FBXO10: variants seen among roughly 807,000 people sequenced by gnomAD.
FBXO10 encodes the protein F-box only protein 10.
In FBXO10, 39 loss-of-function variants were observed where a neutral mutation model predicts 80.7. The observed-to-expected ratio is 0.48, with a 90% CI of 0.37 to 0.63. FBXO10 has a LOEUF of 0.63. Ranked by LOEUF, FBXO10 falls within the 30% of genes least tolerant of loss-of-function variation. The pLI, the probability that FBXO10 is intolerant of heterozygous loss-of-function variation, is 0.00. For synonymous variants in FBXO10, 449 were observed against 489.6 expected (o/e 0.92, Z 1.09); for missense variants, 1,025 against 1,269.0 (o/e 0.81, Z 2.92).
Position 37,521,623 on chromosome 9 carries a change from G to T in FBXO10, c.2146C>A (p.Arg716Ser). ...TELEKEDDPL[R>S]RPITIALVES... ...ACAAGAGCTATGGTGATGGGCCGGC[G>T]CAGTGGGTCGTCCTCCTTCTCCAGC... is the stretch of plus-strand genomic sequence containing the variant. The change falls in exon 8 of 11, where the codon CGC (arginine) becomes AGC (serine). Residue 716 changes from arginine to serine, a missense_variant. Around this residue, in one of 3 missense-constraint regions of FBXO10, gnomAD observed 478 missense variants for 667.8 expected, o/e 0.72. Coordinates refer to ENST00000432825, the MANE Select transcript of FBXO10 (RefSeq NM_012166.3). 2.5e-6 allele frequency: 4 copies of T among 1,613,948 alleles called. No homozygotes were observed. The highest frequency in any genetic ancestry group is 3.4e-6 in the Non-Finnish European group (4 of 1,179,880).
chr9:37,552,269 G>A (rs899519865), intron 1 of FBXO10, among the ~76,000 whole-genome samples: 17 of 152,280 alleles, frequency 1.1e-4, no homozygotes, highest in African/African-American at 4.1e-4. Context: ...CCGTTTCCAA[G>A]TTGCTTCTAC....
intron 2 of FBXO10, 57 bp downstream of exon 2, chr9:37,541,127 G>A: frequency 6.9e-7 from 1 of 1,452,428 alleles, no homozygotes; most frequent in Non-Finnish European, 9.3e-7. Flanking sequence ...GCCCAGAAAA[G>A]AGGGCAAGCC....
At position 37,513,874 on chromosome 9, in the gene FBXO10, G is replaced by A. The variant is rs375943280; in HGVS notation, c.2697-1153C>T. On this transcript the variant is annotated intron_variant, in intron 10 of 10. Coordinates refer to ENST00000432825, the MANE Select transcript of FBXO10 (RefSeq NM_012166.3). ...CAAAGTGCTGGGATTACAGGCGTGA[G>A]CCACCGCACCCGGCCACGATTTCTT... 1.5e-3 allele frequency among the ~76,000 whole-genome samples: 224 copies of A among 152,324 alleles called. 1 individual carries two copies. The highest frequency in any genetic ancestry group is 5.1e-3 in the African/African-American group (214 of 41,570).
intron 1 of FBXO10, among the ~76,000 whole-genome samples, chr9:37,555,443 G>C (rs1222088927): frequency 1.3e-5 from 2 of 150,684 alleles, no homozygotes; most frequent in Non-Finnish European, 1.5e-5. Flanking sequence ...GTGCAATCTC[G>C]GCTCACCGCA....
chr9:37,550,962 C>G (rs559066795), intron 1 of FBXO10, among the ~76,000 whole-genome samples: 17 of 152,314 alleles, frequency 1.1e-4, no homozygotes, highest in South Asian at 8.3e-4. Flanking sequence ...GGATGACAGT[C>G]AAGGCATGAT....
At chr9:37,519,185 A>G (rs7868924) in intron 8 of FBXO10, among the ~76,000 whole-genome samples, 139,032 of 152,250 alleles carry the variant, frequency 0.91, 63,772 homozygotes, top group East Asian at 0.98. Context: ...CTGGGATTAC[A>G]GGCGTGAGCC....
intron 1 of FBXO10, among the ~76,000 whole-genome samples, chr9:37,554,481 G>A (rs1822285974): frequency 6.6e-6 from 1 of 152,140 alleles, no homozygotes; most frequent in South Asian, 2.1e-4. Flanking sequence ...AGAATTGACA[G>A]ATGCATTCAT....
At chr9:37,573,936 G>A (rs1588867297) in intron 1 of FBXO10, among the ~76,000 whole-genome samples, 1 of 152,174 alleles carries the variant, frequency 6.6e-6, no homozygotes, top group East Asian at 1.9e-4. Flanking sequence ...ACCCATGACA[G>A]GTAACTCAAG....
chr9:37,560,240 A>T (rs1822444189), intron 1 of FBXO10, among the ~76,000 whole-genome samples: 1 of 152,174 alleles, frequency 6.6e-6, no homozygotes, highest in African/African-American at 2.4e-5. Context: ...GCAAATATTA[A>T]TTGTAATTTC....
chr9:37,552,606 G>A (rs1191736539), intron 1 of FBXO10, among the ~76,000 whole-genome samples: 3 of 151,138 alleles, frequency 2.0e-5, no homozygotes, highest in Non-Finnish European at 2.9e-5. Flanking sequence ...GCAAGAGACC[G>A]GCAGGAACCC....
chr9:37,550,111 G>A (rs1588849515), intron 1 of FBXO10, among the ~76,000 whole-genome samples: 1 of 150,386 alleles, frequency 6.6e-6, no homozygotes, highest in East Asian at 2.0e-4. Flanking sequence ...GTACATATAG[G>A]AAGAGCCAGC....
intron 1 of FBXO10, among the ~76,000 whole-genome samples, chr9:37,543,081 G>A (rs969739912): frequency 6.6e-6 from 1 of 152,184 alleles, no homozygotes; most frequent in African/African-American, 2.4e-5. Flanking sequence ...GCAGCCCCAG[G>A]ACAGACTACT....
At chr9:37,532,291 GTTCTT>G (rs1209066242) in intron 3 of FBXO10, among the ~76,000 whole-genome samples, 2 of 140,048 alleles carry the variant, frequency 1.4e-5, no homozygotes, top group Non-Finnish European at 3.1e-5. Flanking sequence ...TCTCACATTG[GTTCTT>G]TTTTTTTTTT....
At position 37,532,021 on chromosome 9, in the gene FBXO10, G is replaced by C. The variant is rs578097840; in HGVS notation, c.1457C>G (p.Ala486Gly). 3.7e-6 allele frequency: 6 copies of C among 1,613,850 alleles called. No individual in the cohort carries two copies. In the South Asian group the frequency reaches 6.6e-5, roughly 18 times the overall value. Residue 486 changes from alanine (A) to glycine (G), a missense_variant, in exon 4 of 11, where the codon GCG becomes GGG. By Grantham distance (60) the Ala-to-Gly change is moderately conservative. Transcript: ENST00000432825. ...CTCCAAGCGAAGAAAGATGCCTGAC[G>C]CTCGGCAGCGGTAAATGTCGTTCCT... Reference protein sequence around the residue: ...MLRNDIYRCRASGIFLRLEGG... With the variant: ...MLRNDIYRCRGSGIFLRLEGG...
chr9:37,539,592 G>A (rs1821863491), intron 2 of FBXO10, among the ~76,000 whole-genome samples: 2 of 152,224 alleles, frequency 1.3e-5, no homozygotes, highest in Non-Finnish European at 2.9e-5. Flanking sequence ...ATTACAAAAT[G>A]TGAAGGGTCT....
intron 8 of FBXO10, among the ~76,000 whole-genome samples, 200 bp from the exon 9 acceptor site, chr9:37,518,638 A>G (rs1821247361): frequency 6.6e-6 from 1 of 151,980 alleles, no homozygotes; most frequent in African/African-American, 2.4e-5. Flanking sequence ...CGTCAACAAA[A>G]CTCTGGTTCT....
chr9:37,565,772 T>G (rs921103106), intron 1 of FBXO10, among the ~76,000 whole-genome samples: 1 of 152,218 alleles, frequency 6.6e-6, no homozygotes, highest in African/African-American at 2.4e-5. Context: ...ACTCTTGTTT[T>G]TAACCACTAA....
chr9:37,533,178 G>A (rs568875252), intron 3 of FBXO10, among the ~76,000 whole-genome samples: 19 of 152,176 alleles, frequency 1.2e-4, no homozygotes, highest in Admixed American at 1.2e-3. Context: ...TCTCCCCCAT[G>A]TCTGTGGGTT....
intron 3 of FBXO10, among the ~76,000 whole-genome samples, chr9:37,534,452 C>T (rs1821705321): frequency 6.6e-6 from 1 of 152,036 alleles, no homozygotes; most frequent in Non-Finnish European, 1.5e-5. Flanking sequence ...AAGAGTGAGA[C>T]TCCGTCTCAA....
Sources: allele counts gnomAD v4.1 joint callset (sites outside exome capture counted in the v4.1 genomes callset), GRCh38; gene constraint gnomAD v4.1.1; regional missense constraint gnomAD v4.1.1; transcripts MANE v1.5; gene names NCBI Gene and HGNC (gene_info 2026-07-23, HGNC 2026-07-21).